CEP83: variants seen among roughly 807,000 people sequenced by gnomAD.
CEP83 encodes the protein centrosomal protein 83.
A neutral mutation model predicts 101.9 loss-of-function variants in CEP83; 70 were observed. The ratio of observed to expected loss-of-function variants is 0.69; its 90% CI spans 0.57 to 0.84. The LOEUF (loss-of-function observed/expected upper bound fraction) is 0.84. Among genes scored for constraint, CEP83 ranks in the 40% least tolerant of loss-of-function variants. The pLI is 0.00. For synonymous variants in CEP83, 264 were observed against 267.9 expected (o/e 0.99, Z 0.14); for missense variants, 715 against 787.2 (o/e 0.91, Z 1.10).
Position 94,400,877 on chromosome 12 carries a change from A to G in CEP83, c.522T>C (p.Asp174=). The G allele has an allele frequency of 6.7e-7, 1 of 1,482,328 alleles. No individual in the cohort carries two copies. Among genetic ancestry groups the G allele is most frequent in the Non-Finnish European group, 9.0e-7 (1 of 1,113,934 alleles). The allele number at this position is 1,482,328 out of a possible 1,614,324, so 91.8% of individuals were successfully genotyped here. ...CTGATTCATATTTTATTTTTCCTTC[A>G]TCTAAAATACGTGCATACTCTTCCT... ...HQKEEYARIL[D]EGKIKYESEI... Residue 174 remains aspartate, a synonymous_variant, in exon 6 of 17, where the codon GAT becomes GAC. Coordinates refer to ENST00000397809, the MANE Select transcript of CEP83 (RefSeq NM_016122.3).
chr12:94,274,409 G>A, the CEP83 span, among the ~76,000 whole-genome samples: 1 of 152,158 alleles, frequency 6.6e-6, no homozygotes, highest in South Asian at 2.1e-4. Context: ...CCTGGTGAAA[G>A]AGAAGGGAGT....
chr12:94,284,258 TC>T, the CEP83 span, among the ~76,000 whole-genome samples: 1 of 152,176 alleles, frequency 6.6e-6, no homozygotes, highest in African/African-American at 2.4e-5. Context: ...AATTTGTTAG[TC>T]CTATGAAGGC....
At chr12:94,304,058 T>C (rs760213141), downstream of CEP83, 8 of 1,474,186 alleles carry the variant, frequency 5.4e-6, no homozygotes, top group Non-Finnish European at 7.6e-6. Flanking sequence ...TGAGGTAAGA[T>C]TTTAAATAAC....
chr12:94,377,259 G>A (rs1400124268), intron 7 of CEP83, among the ~76,000 whole-genome samples: 1 of 152,022 alleles, frequency 6.6e-6, no homozygotes. Context: ...AAATCATTTG[G>A]CGACACAGTA....
chr12:94,335,584 C>A lies in CEP83; in HGVS notation c.1419+5G>T. Reference sequence around the variant, plus strand: ...ATAAAAGGAAAATCTTCGCTAAAATCATACCTGTTTTAGGTCAGAATTTTC... The same window carrying A: ...ATAAAAGGAAAATCTTCGCTAAAATAATACCTGTTTTAGGTCAGAATTTTC... On this transcript the variant is annotated splice_donor_5th_base_variant and intron_variant, in intron 12 of 16. Transcript: ENST00000397809. The A allele has an allele frequency of 6.5e-7, 1 of 1,527,948 alleles. No homozygotes were observed. The highest frequency in any genetic ancestry group is 1.9e-5 in the Admixed American group (1 of 52,810). The allele number at this position is 1,527,948 out of a possible 1,614,324, so 94.6% of individuals were successfully genotyped here. A position where few individuals can be genotyped will look rare whatever the true frequency, so the allele number is the denominator to read the frequency against.
downstream of CEP83, chr12:94,303,713 A>T (rs745980072): frequency 1.4e-3 from 1,221 of 869,146 alleles, no homozygotes; most frequent in African/African-American, 5.7e-3. Context: ...TTTTTTTTTT[A>T]CTCTTTTGGT....
At chr12:94,376,545 G>A (rs2061545474) in intron 7 of CEP83, among the ~76,000 whole-genome samples, 1 of 151,920 alleles carries the variant, frequency 6.6e-6, no homozygotes, top group South Asian at 2.1e-4. Context: ...TTGATCTCAT[G>A]ACACAATTAA....
At chr12:94,449,197 G>C (rs2067038832) in intron 1 of CEP83, among the ~76,000 whole-genome samples, 1 of 151,930 alleles carries the variant, frequency 6.6e-6, no homozygotes, top group South Asian at 2.1e-4. Context: ...ACACTTCCTA[G>C]AACATACAAA....
intron 16 of CEP83, among the ~76,000 whole-genome samples, chr12:94,309,204 T>C (rs1369563377): frequency 6.6e-6 from 1 of 152,202 alleles, no homozygotes; most frequent in African/African-American, 2.4e-5. Flanking sequence ...TATACTTACA[T>C]GGTAACTTTC....
chr12:94,321,788 G>A (rs2058754885), intron 14 of CEP83, among the ~76,000 whole-genome samples: 1 of 152,176 alleles, frequency 6.6e-6, no homozygotes, highest in South Asian at 2.1e-4. Flanking sequence ...GTCCCAGACA[G>A]TAACAGAGCT....
intron 8 of CEP83, among the ~76,000 whole-genome samples, chr12:94,374,218 G>A (rs1281141840): frequency 1.3e-5 from 2 of 152,116 alleles, no homozygotes; most frequent in African/African-American, 2.4e-5. Flanking sequence ...CAGCACACAG[G>A]TGAGCTAGGG....
chr12:94,299,531 G>A, the CEP83 span, among the ~76,000 whole-genome samples: 15 of 151,838 alleles, frequency 9.9e-5, no homozygotes, highest in Admixed American at 8.5e-4. Flanking sequence ...AATTCTCTAC[G>A]CTGGCTTGCT....
intron 11 of CEP83, among the ~76,000 whole-genome samples, chr12:94,351,551 C>A (rs1010031753): frequency 1.3e-5 from 2 of 152,172 alleles, no homozygotes; most frequent in Non-Finnish European, 2.9e-5. Flanking sequence ...AGCCAAAACT[C>A]CAGAACCTGA....
the CEP83 span, among the ~76,000 whole-genome samples, chr12:94,298,014 C>T: frequency 6.6e-6 from 1 of 151,972 alleles, no homozygotes; most frequent in African/African-American, 2.4e-5. Context: ...ACTATAAATG[C>T]TATGATCTAC....
chr12:94,314,954 C>T (rs1362819406), intron 14 of CEP83, among the ~76,000 whole-genome samples: 1 of 152,136 alleles, frequency 6.6e-6, no homozygotes, highest in Non-Finnish European at 1.5e-5. Context: ...TTTTTCATTG[C>T]AATGTTGTCA....
In CEP83 at chr12:94,423,640, C is replaced by T. The variant is rs111937285; in HGVS notation, c.-101-11049G>A. On this transcript the variant is annotated intron_variant, in intron 2 of 16. Coordinates refer to ENST00000397809, the MANE Select transcript of CEP83 (RefSeq NM_016122.3). Reference sequence around the variant, plus strand: ...GCTAAGTGTTAGTCCTTAGCAGGGCCGACGGATGGTCTCCATTCCTGGTTA... The same window carrying T: ...GCTAAGTGTTAGTCCTTAGCAGGGCTGACGGATGGTCTCCATTCCTGGTTA... The T allele has an allele frequency of 4.1e-4, 638 of 1,548,294 alleles. 5 individuals are homozygous for T. The African/African-American group carries it at 7.6e-3, about 19-fold the overall frequency.
chr12:94,331,289 GAAAAAAA>G (rs568464808), intron 14 of CEP83, among the ~76,000 whole-genome samples: 1 of 43,820 alleles, frequency 2.3e-5, no homozygotes, highest in Non-Finnish European at 3.5e-5. Context: ...CAGACTCTCA[GAAAAAAA>G]AAAAAAAAAA....
At chr12:94,393,026 C>A (rs185309152) in intron 6 of CEP83, among the ~76,000 whole-genome samples, 323 of 152,292 alleles carry the variant, frequency 2.1e-3, no homozygotes, top group Non-Finnish European at 3.5e-3. Flanking sequence ...GATGGATTCA[C>A]AGCTGAATTC....
the CEP83 span, among the ~76,000 whole-genome samples, chr12:94,276,738 G>A: frequency 0.64 from 97,427 of 151,976 alleles, 31,342 homozygotes; most frequent in African/African-American, 0.7. Flanking sequence ...TTCCTTCTAG[G>A]CACTCTGCCC....
Sources: gnomAD v4.1 joint callset for allele counts (sites outside exome capture counted in the v4.1 genomes callset) on GRCh38, gnomAD v4.1.1 for gene constraint, MANE v1.5 for transcripts, NCBI Gene and HGNC (gene_info 2026-07-23, HGNC 2026-07-21) for gene names.